The following MROH1 variants were observed in gnomAD, a reference collection of about 807,000 sequenced individuals.
MROH1 encodes maestro heat-like repeat-containing protein family member 1.
In MROH1, 117 loss-of-function variants were observed where a neutral mutation model predicts 116.5. The observed-to-expected ratio is 1.00, with a 90% CI of 0.86 to 1.17. MROH1 has a LOEUF of 1.17. Among genes scored for constraint, MROH1 ranks in the 50% most tolerant of loss-of-function variants. The pLI, the probability that MROH1 is intolerant of heterozygous loss-of-function variation, is 0.00. For missense variants in MROH1, 1,873 were observed against 1,338.5 expected (o/e 1.40, Z -6.23); for synonymous variants, 921 against 583.9 (o/e 1.58, Z -8.32).
At chr8:144,213,272 T>A (rs1834560902) in intron 12 of MROH1, 1 of 594,434 alleles carries the variant, frequency 1.7e-6, no homozygotes, top group South Asian at 2.3e-5. Context: ...GTAGGTTCCG[T>A]GGGAAGAGCT....
At chr8:144,235,200 A>G (rs527624737) in intron 14 of MROH1, among the ~76,000 whole-genome samples, 7 of 152,288 alleles carry the variant, frequency 4.6e-5, no homozygotes, top group African/African-American at 1.4e-4. Flanking sequence ...CTGGCCTACA[A>G]TTATTCTTTC....
chr8:144,159,397 C>T (rs557931900), intron 1 of MROH1, among the ~76,000 whole-genome samples: 11 of 152,292 alleles, frequency 7.2e-5, no homozygotes, highest in Middle Eastern at 3.4e-3. Flanking sequence ...GAAATCTATA[C>T]TGCAATTTAG....
At chr8:144,217,004 T>C (rs1439200901) in intron 12 of MROH1, among the ~76,000 whole-genome samples, 6 of 152,140 alleles carry the variant, frequency 3.9e-5, no homozygotes, top group Admixed American at 3.9e-4. Context: ...TAAGTTCTTA[T>C]GTGTGAATAA....
chr8:144,189,789 G>C (rs1564433418), intron 7 of MROH1, among the ~76,000 whole-genome samples: 1 of 152,156 alleles, frequency 6.6e-6, no homozygotes, highest in African/African-American at 2.4e-5. Context: ...TGTGGCACAA[G>C]TCTGTCTGTG....
At position 144,240,208 on chromosome 8, in the gene MROH1, G is replaced by A. The variant is rs923974611; in HGVS notation, c.1827+55G>A. On this transcript the variant is annotated intron_variant, in intron 19 of 43. Coordinates refer to ENST00000326134, the MANE Select transcript of MROH1 (RefSeq NM_032450.3). Reference sequence around the variant, plus strand: ...CCTTAAGGTGTTGTCTGGCCTGGGGGGTGCTGGGGTGGCAGAGGCTGGGCC... The same window carrying A: ...CCTTAAGGTGTTGTCTGGCCTGGGGAGTGCTGGGGTGGCAGAGGCTGGGCC... 1,324 of 709,176 alleles carry A rather than the reference G, an allele frequency of 1.9e-3. 12 individuals carry two copies. In the East Asian group the frequency reaches 0.024, roughly 13 times the overall value. The allele number at this position is 709,176 out of a possible 1,614,324, so 43.9% of individuals were successfully genotyped here. A position where few individuals can be genotyped will look rare whatever the true frequency, so the allele number is the denominator to read the frequency against.
intron 35 of MROH1, 23 bp downstream of exon 35, chr8:144,255,728 C>A: frequency 1.4e-6 from 1 of 735,268 alleles, no homozygotes; most frequent in Non-Finnish European, 2.5e-6. Flanking sequence ...CCACTTCCCA[C>A]CTCCAGTACT....
chr8:144,168,585 C>T, intron 4 of MROH1, 145 bp downstream of exon 4: 8 of 941,600 alleles, frequency 8.5e-6, no homozygotes, highest in Non-Finnish European at 1.2e-5. Context: ...TCCACACGTG[C>T]CTATGTCAGG....
At chr8:144,219,975 A>G (rs1169771484) in intron 12 of MROH1, among the ~76,000 whole-genome samples, 1 of 152,152 alleles carries the variant, frequency 6.6e-6, no homozygotes, top group East Asian at 1.9e-4. Flanking sequence ...CCTTCTCTCC[A>G]AGGACTGTCG....
At chr8:144,261,607 G>C in intron 43 of MROH1, 48 bp from the exon 44 acceptor site, 1 of 701,594 alleles carries the variant, frequency 1.4e-6, no homozygotes, top group Non-Finnish European at 2.6e-6. Flanking sequence ...GCAGGCATGG[G>C]CATGCCGAGG....
At chr8:144,221,319 AC>A (rs1836695282) in intron 13 of MROH1, among the ~76,000 whole-genome samples, 1 of 152,132 alleles carries the variant, frequency 6.6e-6, no homozygotes, top group African/African-American at 2.4e-5. Context: ...GTGGACAAGA[AC>A]ATTCTTACCA....
At chr8:144,162,318 C>T (rs1819739166) in intron 2 of MROH1, among the ~76,000 whole-genome samples, 1 of 151,756 alleles carries the variant, frequency 6.6e-6, no homozygotes, top group East Asian at 1.9e-4. Context: ...AAATCCTGAC[C>T]TCAGATGATC....
chr8:144,234,537 A>AG (rs1839687363), intron 14 of MROH1, among the ~76,000 whole-genome samples: 2 of 77,994 alleles, frequency 2.6e-5, no homozygotes, highest in East Asian at 3.6e-4. Flanking sequence ...TTTTTTTTCA[A>AG]AAAGAGTCTT....
Position 144,173,327 on chromosome 8 carries a change from T to A in MROH1, c.168+4887T>A, listed in dbSNP as rs578160520. Among the ~76,000 whole-genome samples, 19 of 152,000 alleles carry A rather than the reference T, an allele frequency of 1.3e-4. No homozygotes were observed. In the South Asian group the frequency reaches 3.9e-3, roughly 31 times the overall value. On this transcript the variant is annotated intron_variant, in intron 4 of 43. Coordinates refer to ENST00000326134, the MANE Select transcript of MROH1 (RefSeq NM_032450.3). ...TTCGCCATGTTGGCCAGGTTGGTCATGAACTCCTGACCTCAAGCAATCCAC... is the reference window on the plus strand; with the variant it reads ...TTCGCCATGTTGGCCAGGTTGGTCAAGAACTCCTGACCTCAAGCAATCCAC...
At position 144,261,713 on chromosome 8, in the gene MROH1, C is replaced by A; in HGVS notation, c.4899C>A (p.Ala1633=). 1.4e-6 allele frequency: 1 copy of A among 721,192 alleles called. No homozygotes were observed. The highest frequency in any genetic ancestry group is 2.5e-6 in the Non-Finnish European group (1 of 396,196). 44.7% of individuals were successfully genotyped at this position (721,192 alleles called of 1,614,324 possible). A position where few individuals can be genotyped will look rare whatever the true frequency, so the allele number is the denominator to read the frequency against. The change falls in exon 44 of 44, where the codon GCC becomes GCA. Residue 1633 remains alanine (A), a synonymous_variant. Transcript: ENST00000326134. ...APEVRTRAAE[A]LGRLVKLA is the part of the protein sequence containing the mutation. ...AGGTGCGGACGAGGGCTGCTGAGGC[C>A]CTGGGCCGCCTGGTGAAGCTCGCCT...
intron 36 of MROH1, 107 bp downstream of exon 36, chr8:144,259,021 G>T (rs1403773640): frequency 4.7e-6 from 3 of 642,876 alleles, no homozygotes; most frequent in Non-Finnish European, 5.7e-6. Context: ...TCAGGCCAAT[G>T]GTGCCCTGGG....
chr8:144,249,420 CT>C (rs2133129624), intron 32 of MROH1, among the ~76,000 whole-genome samples: 1 of 152,246 alleles, frequency 6.6e-6, no homozygotes, highest in East Asian at 1.9e-4. Flanking sequence ...TGGCCCATTG[CT>C]TTGTTTTCAC....
chr8:144,192,341 T>G lies in MROH1; in HGVS notation c.888T>G (p.Ser296Arg), dbSNP rs1296520448. The G allele has an allele frequency of 6.3e-7, 1 of 1,599,126 alleles. No individual in the cohort carries two copies. The highest frequency in any genetic ancestry group is 1.3e-5 in the African/African-American group (1 of 74,696). ...SLGQILEAAV[S>R]VGSRTLETQL... ...GCCAGATCCTCGAGGCAGCTGTGAGTGTGGGCAGCCGCACACTGGAGACCC... is the reference window on the plus strand; with the variant it reads ...GCCAGATCCTCGAGGCAGCTGTGAGGGTGGGCAGCCGCACACTGGAGACCC... The change falls in exon 10 of 44, where the codon AGT (serine) becomes AGG (arginine). Residue 296 changes from serine to arginine, a missense_variant. By Grantham distance (110) the Ser-to-Arg change is moderately radical. Coordinates refer to ENST00000326134, the MANE Select transcript of MROH1 (RefSeq NM_032450.3).
At chr8:144,186,815 G>A (rs545788057) in intron 7 of MROH1, among the ~76,000 whole-genome samples, 2 of 152,342 alleles carry the variant, frequency 1.3e-5, no homozygotes, top group South Asian at 4.1e-4. Flanking sequence ...AGGCTAGGCC[G>A]GGCGCGGTGG....
chr8:144,186,751 C>T (rs1179503055), intron 7 of MROH1, among the ~76,000 whole-genome samples: 1 of 152,220 alleles, frequency 6.6e-6, no homozygotes, highest in Non-Finnish European at 1.5e-5. Context: ...CACTGATCGA[C>T]ATAAGAAGGG....
Sources: allele counts gnomAD v4.1 joint callset (sites outside exome capture counted in the v4.1 genomes callset), GRCh38; gene constraint gnomAD v4.1.1; transcripts MANE v1.5; gene names NCBI Gene and HGNC (gene_info 2026-07-23, HGNC 2026-07-21).